The following DIAPH2 variants were observed in gnomAD, a reference collection of about 807,000 sequenced individuals.
DIAPH2 encodes the protein diaphanous related formin 2.
A neutral mutation model predicts 92.7 loss-of-function variants in DIAPH2; 35 were observed. The observed-to-expected ratio is 0.38, with a 90% CI of 0.29 to 0.50. The LOEUF (loss-of-function observed/expected upper bound fraction) is 0.50. Ranked by LOEUF, DIAPH2 falls within the 20% of genes least tolerant of loss-of-function variation. DIAPH2 has a pLI of 0.94. For synonymous variants in DIAPH2, 301 were observed against 280.4 expected, an observed-to-expected ratio of 1.07 and a Z score of -0.73; for missense variants, 701 against 819.5, an observed-to-expected ratio of 0.86 and a Z score of 1.77.
chrX:96,832,502 T>C, intron 4 of DIAPH2, among the ~76,000 whole-genome samples: 1 of 111,131 alleles, frequency 9.0e-6, no homozygotes, highest in Non-Finnish European at 1.9e-5. Flanking sequence ...AATACTAAAG[T>C]TCTTTATAAA....
chrX:97,079,985 C>T (rs755479673), intron 19 of DIAPH2, among the ~76,000 whole-genome samples: 2 of 111,342 alleles, frequency 1.8e-5, no homozygotes, highest in East Asian at 5.6e-4. Context: ...ACCTGTATTC[C>T]TTAAGCAACT....
chrX:97,389,465 CAA>C (rs1164301048), intron 25 of DIAPH2, among the ~76,000 whole-genome samples: 2,227 of 34,395 alleles, frequency 0.065, 17 homozygotes, highest in Middle Eastern at 0.098. Flanking sequence ...GACTCTGTCT[CAA>C]AAAAAAAAAA....
chrX:96,955,491 C>T lies in DIAPH2; in HGVS notation c.1615-2337C>T, dbSNP rs758123158. Among the ~76,000 whole-genome samples the T allele has an allele frequency of 9.0e-5, 10 of 110,974 alleles. No individual in the cohort carries two copies. The South Asian group carries it at 3.5e-3, about 39-fold the overall frequency. On this transcript the variant is annotated intron_variant, in intron 15 of 26. Coordinates refer to ENST00000324765, the MANE Select transcript of DIAPH2 (RefSeq NM_006729.5). The stretch of plus-strand genomic sequence containing the variant: ...CAATCATGCCCTTCCAACAGTTCCC[C>T]AAAGTCTTAACTCATTCCAGCATTA...
At chrX:96,925,265 C>G (rs950615113) in intron 9 of DIAPH2, among the ~76,000 whole-genome samples, 1 of 110,692 alleles carries the variant, frequency 9.0e-6, no homozygotes, top group African/African-American at 3.3e-5. Flanking sequence ...AAATCCTTCT[C>G]CCTACTCTAA....
At chrX:96,895,958 ATTC>A (rs1212686841) in intron 5 of DIAPH2, among the ~76,000 whole-genome samples, 3 of 111,740 alleles carry the variant, frequency 2.7e-5, no homozygotes, top group Non-Finnish European at 5.6e-5. Flanking sequence ...TTTCAAACTG[ATTC>A]CTAATATTTG....
At chrX:96,989,868 A>C (rs12857347) in intron 17 of DIAPH2, among the ~76,000 whole-genome samples, 26,469 of 111,160 alleles carry the variant, frequency 0.24, 2,917 homozygotes, top group East Asian at 0.34. Context: ...GAATCATACA[A>C]TTATAGTAGT....
chrX:97,347,743 C>A (rs1036783044), intron 23 of DIAPH2, among the ~76,000 whole-genome samples: 12 of 111,091 alleles, frequency 1.1e-4, no homozygotes, highest in Admixed American at 1.1e-3. Flanking sequence ...TATATTTGAA[C>A]ATAGGGACTT....
chrX:97,448,835 C>T (rs934863289), intron 26 of DIAPH2, among the ~76,000 whole-genome samples: 1 of 111,508 alleles, frequency 9.0e-6, no homozygotes, highest in Admixed American at 9.5e-5. Flanking sequence ...TATTTGTACC[C>T]GTCTATGTTA....
chrX:96,957,536 G>T (rs2065819021), intron 15 of DIAPH2, among the ~76,000 whole-genome samples: 1 of 111,089 alleles, frequency 9.0e-6, no homozygotes, highest in South Asian at 3.8e-4. Context: ...ATTTGGGTGG[G>T]AACACAGAGC....
At chrX:96,876,645 C>A (rs1202246261) in intron 4 of DIAPH2, among the ~76,000 whole-genome samples, 1 of 109,879 alleles carries the variant, frequency 9.1e-6, no homozygotes, top group East Asian at 2.9e-4. Flanking sequence ...TCATTCTCAG[C>A]AAACTATGGC....
At chrX:97,220,169 A>T (rs1320543629) in intron 22 of DIAPH2, among the ~76,000 whole-genome samples, 7 of 110,739 alleles carry the variant, frequency 6.3e-5, no homozygotes, top group African/African-American at 2.3e-4. Context: ...TCAAAATGTT[A>T]TTTCTTTGGC....
chrX:96,748,903 A>G (rs1171569121), intron 3 of DIAPH2, among the ~76,000 whole-genome samples: 2 of 111,069 alleles, frequency 1.8e-5, no homozygotes, highest in African/African-American at 3.3e-5. Context: ...TGAAAGTTAT[A>G]TGAATTTCAG....
chrX:97,246,201 A>C (rs967359759), intron 22 of DIAPH2, among the ~76,000 whole-genome samples: 1 of 109,737 alleles, frequency 9.1e-6, no homozygotes, highest in Non-Finnish European at 1.9e-5. Context: ...GGTGTGAGCC[A>C]CCGCGCTCGG....
intron 4 of DIAPH2, among the ~76,000 whole-genome samples, chrX:96,859,610 CTTATTTATTTAT>C (rs35571904): frequency 4.3e-3 from 404 of 94,424 alleles, no homozygotes; most frequent in African/African-American, 8.4e-3. Flanking sequence ...ATAATAGATT[CTTATTTATTTAT>C]TTATTTATTT....
chrX:96,710,733 G>T (rs1183682061), intron 1 of DIAPH2, among the ~76,000 whole-genome samples: 1 of 110,501 alleles, frequency 9.0e-6, no homozygotes. Flanking sequence ...TAGTTTTGGG[G>T]GAACGGGGGG....
chrX:97,219,017 G>T (rs895592448), intron 22 of DIAPH2, among the ~76,000 whole-genome samples: 1 of 111,416 alleles, frequency 9.0e-6, no homozygotes, highest in Admixed American at 9.6e-5. Flanking sequence ...TAAGTTATCT[G>T]GGCCCTTACA....
chrX:97,494,432 C>A (rs2070745022), intron 26 of DIAPH2, among the ~76,000 whole-genome samples: 1 of 112,028 alleles, frequency 8.9e-6, no homozygotes, highest in Non-Finnish European at 1.9e-5. Context: ...ACTCACTGAG[C>A]TTCCTTAAGA....
chrX:97,598,194 A>G (rs933970966), intron 26 of DIAPH2, among the ~76,000 whole-genome samples: 2 of 111,802 alleles, frequency 1.8e-5, no homozygotes, highest in African/African-American at 6.5e-5. Context: ...GGAGGCCCCA[A>G]CCTTTAACTC....
At chrX:96,698,672 G>C (rs747433803) in intron 1 of DIAPH2, among the ~76,000 whole-genome samples, 2 of 108,995 alleles carry the variant, frequency 1.8e-5, no homozygotes, top group Non-Finnish European at 3.8e-5. Flanking sequence ...GAATATACCA[G>C]TATGTGTCTG....
Sources: allele counts gnomAD v4.1 joint callset (sites outside exome capture counted in the v4.1 genomes callset), GRCh38; gene constraint gnomAD v4.1.1; transcripts MANE v1.5; gene names NCBI Gene and HGNC (gene_info 2026-07-23, HGNC 2026-07-21).